Variants in TRMT61A observed in about 807,000 individuals in gnomAD.
TRMT61A encodes tRNA (adenine(58)-N(1))-methyltransferase catalytic subunit TRMT61A.
A neutral mutation model predicts 21.3 loss-of-function variants in TRMT61A; 15 were observed. That is an observed-to-expected ratio of 0.70 (90% CI 0.47 to 1.08). The LOEUF (loss-of-function observed/expected upper bound fraction) is 1.08. TRMT61A is among the 50% of genes least tolerant of loss of function. The probability of loss-of-function intolerance (pLI) is 0.00; values close to 1 mark genes in which losing one functional copy is unlikely to be tolerated. For missense variants in TRMT61A, 352 were observed against 426.7 expected, an observed-to-expected ratio of 0.83 and a Z score of 1.54; for synonymous variants, 183 against 185.5, an observed-to-expected ratio of 0.99 and a Z score of 0.11.
rs772821696 is a variant in TRMT61A, at chr14:103,535,034, T to A, written c.*213T>A. 50 of 722,756 alleles carry A rather than the reference T, an allele frequency of 6.9e-5. No individual in the cohort carries two copies. Among genetic ancestry groups the A allele is most frequent in the Admixed American group, 1.4e-4 (7 of 49,976 alleles). 44.8% of individuals were successfully genotyped at this position (722,756 alleles called of 1,614,324 possible). ...GGCCTCAGCCATTCCTGTCCAGCCC[T>A]GTGGCCCATCCCAGCTGCTGTTTGT... On this transcript the variant is annotated 3_prime_UTR_variant, in exon 4 of 4. Transcript: ENST00000389749.
chr14:103,534,413 T>C, intron 3 of TRMT61A, 137 bp from the exon 4 acceptor site: 1 of 1,058,250 alleles, frequency 9.4e-7, no homozygotes. Flanking sequence ...GTCCCAGCTC[T>C]TGGAGAGCTT....
rs750159828 is a variant in TRMT61A at position 103,534,736 on chromosome 14, C to T, written c.785C>T (p.Thr262Ile). 6.9e-6 allele frequency: 11 copies of T among 1,600,224 alleles called. No homozygotes were observed. The highest frequency in any genetic ancestry group is 8.5e-6 in the Non-Finnish European group (10 of 1,176,936). ...TGTDGPAGSDTSPFRSGTPMK... is the reference protein window; with the variant it reads ...TGTDGPAGSDISPFRSGTPMK... ...ACAGATGGCCCTGCCGGCTCCGACA[C>T]CAGCCCCTTCCGCAGCGGCACGCCC... Residue 262 changes from threonine (T) to isoleucine (I), a missense_variant, in exon 4 of 4, where the codon ACC (threonine) becomes ATC (isoleucine). Thr to Ile is a moderately conservative substitution (Grantham distance 89). Transcript: ENST00000389749.
intron 3 of TRMT61A, among the ~76,000 whole-genome samples, 163 bp downstream of exon 3, chr14:103,533,011 G>A (rs551785409): frequency 1.3e-4 from 20 of 152,350 alleles, no homozygotes; most frequent in Admixed American, 2.6e-4. Flanking sequence ...GGTCAGGCTG[G>A]CCAGGGGAGG....
chr14:103,532,612 T>G lies in TRMT61A; in HGVS notation c.362T>G (p.Ile121Ser), dbSNP rs780471368. The stretch of plus-strand genomic sequence containing the variant: ...GGCAGTGGCTCTGTGTCCCACGCCA[T>G]CATCCGCACCATTGCACCCACGGGT... ...GTGSGSVSHA[I>S]IRTIAPTGHL... Residue 121 changes from isoleucine to serine, a missense_variant, in exon 3 of 4, where the codon ATC becomes AGC. By Grantham distance (142) the Ile-to-Ser change is moderately radical. Transcript: ENST00000389749. 3 of 1,613,410 alleles carry G rather than the reference T, an allele frequency of 1.9e-6. No homozygotes were observed. Among genetic ancestry groups the G allele is most frequent in the Non-Finnish European group, 2.5e-6 (3 of 1,179,992 alleles).
chr14:103,531,335 A>C lies in TRMT61A; in HGVS notation c.331+1026A>C, dbSNP rs1437598478. On this transcript the variant is annotated intron_variant, in intron 2 of 3. Coordinates refer to ENST00000389749, the MANE Select transcript of TRMT61A (RefSeq NM_152307.3). This position sits in a 1 kb window ranked among gnomAD's most constrained non-coding sequence, Gnocchi z 5.1. ...ACTCTCCAGCTAGGCCAGGCAGGGA[A>C]GACCTCTCTGAGGAGGGGACATTTG... 6.6e-6 allele frequency among the ~76,000 whole-genome samples: 1 copy of C among 152,174 alleles called. No individual in the cohort carries two copies. The highest frequency in any genetic ancestry group is 2.4e-5 in the African/African-American group (1 of 41,434).
At position 103,531,978 on chromosome 14, in the gene TRMT61A, C is replaced by T. The variant is rs907390172; in HGVS notation, c.332-604C>T. Among the ~76,000 whole-genome samples, 6 of 149,992 alleles carry T rather than the reference C, an allele frequency of 4.0e-5. No homozygotes were observed. The highest frequency in any genetic ancestry group is 1.2e-4 in the African/African-American group (5 of 40,482). ...CAGGTGCGCTGGGGAGGACTGGGGC[C>T]GTGTGGCTGGTGGCCAGGCCCTGCG... On this transcript the variant is annotated intron_variant, in intron 2 of 3. Transcript: ENST00000389749. This position sits in a 1 kb window ranked among gnomAD's most constrained non-coding sequence, Gnocchi z 5.1.
At chr14:103,533,450 A>G (rs2075961800) in intron 3 of TRMT61A, among the ~76,000 whole-genome samples, 1 of 152,180 alleles carries the variant, frequency 6.6e-6, no homozygotes, top group South Asian at 2.1e-4. Flanking sequence ...GCGAACAGCA[A>G]GGCTGTGGCC....
At position 103,534,917 on chromosome 14, in the gene TRMT61A, A is replaced by G. The variant is rs1425139898; in HGVS notation, c.*96A>G. 2.0e-6 allele frequency: 3 copies of G among 1,486,248 alleles called. No individual in the cohort carries two copies. Among genetic ancestry groups the G allele is most frequent in the East Asian group, 2.5e-5 (1 of 40,676 alleles). 92.1% of individuals were successfully genotyped at this position (1,486,248 alleles called of 1,614,324 possible). ...ATATGGTCAGCGATGCCTGCCAGAC[A>G]CAGACGGTGGGGTGGGGCTTGGGGG... On this transcript the variant is annotated 3_prime_UTR_variant, in exon 4 of 4. Transcript: ENST00000389749.
Position 103,530,098 on chromosome 14 carries a change from TG to T in TRMT61A, c.122del (p.Gly41ValfsTer18). On this transcript the variant is annotated frameshift_variant, in exon 2 of 4. Transcript: ENST00000389749. LOFTEE classifies it high-confidence loss of function. The stretch of plus-strand genomic sequence containing the variant: ...GTGGGGCACAGACCCAGACCCGGCA[TG>T]GTGTCCTGCGGCACTCAGTTGACCT... ...QRGAQTQTRH[G>X]VLRHSVDLIG... is the part of the protein sequence containing the mutation. 1 of 1,613,050 alleles carries T rather than the reference TG, an allele frequency of 6.2e-7. No individual in the cohort carries two copies. Among genetic ancestry groups the T allele is most frequent in the Non-Finnish European group, 8.5e-7 (1 of 1,180,018 alleles).
In TRMT61A at chr14:103,534,631, A is replaced by G. The variant is rs1312655879; in HGVS notation, c.680A>G (p.Glu227Gly). Residue 227 changes from glutamate to glycine, a missense_variant, in exon 4 of 4, where the codon GAG (glutamate) becomes GGG (glycine). Physicochemically the swap from Glu to Gly is moderately conservative, Grantham distance 98. Coordinates refer to ENST00000389749, the MANE Select transcript of TRMT61A (RefSeq NM_152307.3). ...CQALAARGFS[E>G]LSTLEVLPQV... ...GCGCTGGCAGCGCGCGGCTTCTCAGAGCTGAGCACCCTGGAGGTGCTGCCA... is the reference window on the plus strand; with the variant it reads ...GCGCTGGCAGCGCGCGGCTTCTCAGGGCTGAGCACCCTGGAGGTGCTGCCA... 6.2e-7 allele frequency: 1 copy of G among 1,610,076 alleles called. No homozygotes were observed.
In TRMT61A at chr14:103,535,164, G is replaced by C; in HGVS notation, c.*343G>C. The C allele has an allele frequency of 1.8e-6, 1 of 563,398 alleles. No individual in the cohort carries two copies. The highest frequency in any genetic ancestry group is 4.1e-5 in the East Asian group (1 of 24,292). 34.9% of individuals were successfully genotyped at this position (563,398 alleles called of 1,614,324 possible). A position where few individuals can be genotyped will look rare whatever the true frequency, so the allele number is the denominator to read the frequency against. ...TCCCAGGTGGGCCTAAGCAGGAAGGGGGTGGAGGAGGGAGGGGGGCATTGA... is the reference window on the plus strand; with the variant it reads ...TCCCAGGTGGGCCTAAGCAGGAAGGCGGTGGAGGAGGGAGGGGGGCATTGA... On this transcript the variant is annotated 3_prime_UTR_variant, in exon 4 of 4. Coordinates refer to ENST00000389749, the MANE Select transcript of TRMT61A (RefSeq NM_152307.3).
At chr14:103,534,321 A>G (rs2075965249) in intron 3 of TRMT61A, among the ~76,000 whole-genome samples, 1 of 152,192 alleles carries the variant, frequency 6.6e-6, no homozygotes, top group Non-Finnish European at 1.5e-5. Flanking sequence ...AGGGCCTGGC[A>G]TGGCTAAGCT....
Position 103,536,383 on chromosome 14 carries a change from G to T in TRMT61A, c.*1562G>T. On this transcript the variant is annotated 3_prime_UTR_variant, in exon 4 of 4. Transcript: ENST00000389749. ...GCGAAGTGTCACACTGTGGGTCACC[G>T]GGGGCTGTGGCTAATGTGGTCCGGG... 1 of 152,468 alleles carries T rather than the reference G, an allele frequency of 6.6e-6. No homozygotes were observed. The allele number at this position is 152,468 out of a possible 1,614,324, so 9.4% of individuals were successfully genotyped here.
Position 103,533,715 on chromosome 14 carries a change from G to T in TRMT61A, c.599-835G>T, listed in dbSNP as rs185403458. Among the ~76,000 whole-genome samples the T allele has an allele frequency of 9.1e-4, 139 of 152,298 alleles. 5 individuals are homozygous for T. In the East Asian group the frequency reaches 0.023, roughly 25 times the overall value. ...GCCTCTGGGACCTGTCCCTTTCCCTGCGAGCTCCCCCTTCTGGGTCCAAAG... is the reference window on the plus strand; with the variant it reads ...GCCTCTGGGACCTGTCCCTTTCCCTTCGAGCTCCCCCTTCTGGGTCCAAAG... On this transcript the variant is annotated intron_variant, in intron 3 of 3. Transcript: ENST00000389749.
intron 1 of TRMT61A, 37 bp from the exon 2 acceptor site, chr14:103,529,913 T>A: frequency 6.8e-7 from 1 of 1,476,514 alleles, no homozygotes; most frequent in Non-Finnish European, 9.1e-7. Context: ...TCATCCTGCC[T>A]CCTGACTTGC....
rs995343629 is a variant in TRMT61A, at chr14:103,530,077, G to A, written c.99G>A (p.Gly33=). The change falls in exon 2 of 4, where the codon GGG becomes GGA. Residue 33 remains glycine (G), a synonymous_variant. Coordinates refer to ENST00000389749, the MANE Select transcript of TRMT61A (RefSeq NM_152307.3). ...TGGTGGCGGTGCGTGTGCAGCGTGG[G>A]GCACAGACCCAGACCCGGCATGGTG... ...GAMVAVRVQR[G]AQTQTRHGVL... 6.2e-7 allele frequency: 1 copy of A among 1,613,036 alleles called. No individual in the cohort carries two copies. Among genetic ancestry groups the A allele is most frequent in the Non-Finnish European group, 8.5e-7 (1 of 1,179,994 alleles).
chr14:103,530,263 C>T lies in TRMT61A; in HGVS notation c.285C>T (p.Ile95=), dbSNP rs750014492. ...QILYSTDIAL[I]TMMLELRPGS... is the part of the protein sequence containing the mutation. ...TCTACTCCACAGACATCGCCCTCAT[C>T]ACCATGATGTTGGAGCTTCGGCCCG... Residue 95 remains isoleucine, a synonymous_variant, in exon 2 of 4, where the codon ATC becomes ATT. Transcript: ENST00000389749. 2.6e-5 allele frequency: 41 copies of T among 1,602,018 alleles called. No homozygotes were observed. The highest frequency in any genetic ancestry group is 3.3e-4 in the Middle Eastern group (2 of 6,042).
intron 3 of TRMT61A, 139 bp from the exon 4 acceptor site, chr14:103,534,411 T>C (rs1258865273): frequency 1.9e-6 from 2 of 1,039,302 alleles, no homozygotes; most frequent in Non-Finnish European, 1.3e-6. Context: ...CAGTCCCAGC[T>C]CTTGGAGAGC....
At chr14:103,532,530 G>A in intron 2 of TRMT61A, 52 bp from the exon 3 acceptor site, 2 of 1,610,300 alleles carry the variant, frequency 1.2e-6, no homozygotes, top group Non-Finnish European at 1.7e-6. Context: ...GGAGGCTGTG[G>A]GTCCCGAGCA....
Sources: gnomAD v4.1 joint callset for allele counts (sites outside exome capture counted in the v4.1 genomes callset) on GRCh38, gnomAD v4.1.1 for gene constraint, Gnocchi (gnomAD v3.1) non-coding constraint, MANE v1.5 for transcripts, NCBI Gene and HGNC (gene_info 2026-07-23, HGNC 2026-07-21) for gene names.